The following RNLS variants were observed in gnomAD, a reference collection of about 807,000 sequenced individuals.
The protein encoded by RNLS is renalase, FAD dependent amine oxidase.
A neutral mutation model predicts 39.8 loss-of-function variants in RNLS; 39 were observed. The ratio of observed to expected loss-of-function variants is 0.98; its 90% confidence interval spans 0.76 to 1.28. RNLS has a LOEUF of 1.28. Ranked by LOEUF, RNLS falls within the 50% of genes most tolerant of loss-of-function variation. The pLI is 0.00. For missense variants in RNLS, 410 were observed against 413.3 expected (o/e 0.99, Z 0.07); for synonymous variants, 147 against 150.7 (o/e 0.98, Z 0.18).
intron 4 of RNLS, among the ~76,000 whole-genome samples, chr10:88,518,885 T>A (rs768761965): frequency 1.4e-4 from 21 of 152,116 alleles, no homozygotes; most frequent in Non-Finnish European, 2.1e-4. Flanking sequence ...ACCCTCCTCA[T>A]TAGTAAAGTC....
intron 5 of RNLS, among the ~76,000 whole-genome samples, chr10:88,342,629 A>T (rs182368604): frequency 1.8e-4 from 28 of 152,336 alleles, no homozygotes; most frequent in African/African-American, 4.6e-4. Context: ...GTATAGTTAC[A>T]GAAAATTAAA....
intron 4 of RNLS, among the ~76,000 whole-genome samples, chr10:88,484,913 C>G (rs1474083565): frequency 6.6e-6 from 1 of 151,906 alleles, no homozygotes; most frequent in East Asian, 1.9e-4. Flanking sequence ...TTTTGCTTAG[C>G]AATTTTGTTT....
intron 4 of RNLS, among the ~76,000 whole-genome samples, chr10:88,536,633 A>G (rs1847778164): frequency 6.6e-6 from 1 of 151,756 alleles, no homozygotes; most frequent in African/African-American, 2.4e-5. Flanking sequence ...TTCCTTGCCG[A>G]CTCCCAAATA....
the RNLS span, among the ~76,000 whole-genome samples, chr10:88,181,102 GAGAATTTCTTGGGTTATC>G: frequency 6.6e-6 from 1 of 152,144 alleles, no homozygotes; most frequent in East Asian, 1.9e-4. Context: ...TTTAGGCAGG[GAGAATTTCTTGGGTTATC>G]AGATGGGCCC....
intron 4 of RNLS, among the ~76,000 whole-genome samples, chr10:88,435,783 C>T (rs929847966): frequency 6.6e-6 from 1 of 152,124 alleles, no homozygotes; most frequent in Non-Finnish European, 1.5e-5. Context: ...CATGTATGAT[C>T]ACCTAGTCCA....
chr10:88,265,069 C>T, the RNLS span, among the ~76,000 whole-genome samples: 1 of 152,060 alleles, frequency 6.6e-6, no homozygotes, highest in Non-Finnish European at 1.5e-5. Flanking sequence ...GCCAATTAGC[C>T]CAGCACCATT....
At chr10:88,267,033 A>G in the RNLS span, among the ~76,000 whole-genome samples, 1 of 152,160 alleles carries the variant, frequency 6.6e-6, no homozygotes, top group Non-Finnish European at 1.5e-5. Flanking sequence ...CTCCCAGTGC[A>G]GGTGTCAGAC....
intron 4 of RNLS, among the ~76,000 whole-genome samples, chr10:88,482,939 C>T (rs1208534709): frequency 1.3e-5 from 2 of 151,758 alleles, no homozygotes; most frequent in African/African-American, 2.4e-5. Flanking sequence ...CCCTCCCTCA[C>T]TCCTTCCTTC....
chr10:88,333,467 G>A (rs1409312185), intron 5 of RNLS, among the ~76,000 whole-genome samples: 4 of 151,982 alleles, frequency 2.6e-5, no homozygotes, highest in African/African-American at 9.7e-5. Context: ...TTTACTTCCC[G>A]TTTAATAACG....
intron 4 of RNLS, among the ~76,000 whole-genome samples, chr10:88,556,335 T>G: frequency 6.6e-6 from 1 of 152,194 alleles, no homozygotes; most frequent in East Asian, 1.9e-4. Context: ...TTGCACCTAC[T>G]GCTCAATGTA....
the RNLS span, among the ~76,000 whole-genome samples, chr10:88,253,576 G>A: frequency 6.6e-6 from 1 of 152,148 alleles, no homozygotes; most frequent in Non-Finnish European, 1.5e-5. Flanking sequence ...AGAACCATGT[G>A]GTGCCCTTTC....
At chr10:88,508,627 CT>C (rs1336544478) in intron 4 of RNLS, among the ~76,000 whole-genome samples, 1 of 152,050 alleles carries the variant, frequency 6.6e-6, no homozygotes, top group East Asian at 1.9e-4. Context: ...TTTCACATTA[CT>C]GGTGCCAATG....
intron 4 of RNLS, among the ~76,000 whole-genome samples, chr10:88,448,275 T>C (rs1051360725): frequency 1.3e-5 from 2 of 152,142 alleles, no homozygotes; most frequent in Non-Finnish European, 2.9e-5. Flanking sequence ...AAAGGACTAA[T>C]ATCCAGAATC....
In RNLS at chr10:88,291,536, C is replaced by T. The variant is rs540466119; in HGVS notation, c.877-6030G>A. On this transcript the variant is annotated intron_variant, in intron 6 of 6. Transcript: ENST00000331772. ...CACTAATCAATTGTGGCATTCTTTCCAGGAAGCCCAACAGGGCCTCAGCAT... is the reference window on the plus strand; with the variant it reads ...CACTAATCAATTGTGGCATTCTTTCTAGGAAGCCCAACAGGGCCTCAGCAT... 3.3e-5 allele frequency among the ~76,000 whole-genome samples: 5 copies of T among 152,254 alleles called. No individual in the cohort carries two copies. The South Asian group carries it at 1.0e-3, about 32-fold the overall frequency.
intron 6 of RNLS, among the ~76,000 whole-genome samples, chr10:88,292,474 A>G (rs1003682620): frequency 2.6e-5 from 4 of 151,866 alleles, no homozygotes; most frequent in African/African-American, 9.7e-5. Context: ...CCTGTAAGAA[A>G]ACTTACTCCA....
chr10:88,240,590 CTT>C, the RNLS span, among the ~76,000 whole-genome samples: 3 of 151,972 alleles, frequency 2.0e-5, no homozygotes, highest in African/African-American at 7.3e-5. Flanking sequence ...ATAATAGACT[CTT>C]TTCTCTTCAT....
intron 4 of RNLS, among the ~76,000 whole-genome samples, chr10:88,464,779 A>G (rs958058842): frequency 1.3e-5 from 2 of 152,076 alleles, no homozygotes; most frequent in African/African-American, 2.4e-5. Flanking sequence ...TGCACACTAC[A>G]AGGAAAATGA....
chr10:88,493,053 C>A (rs1022638382), intron 4 of RNLS, among the ~76,000 whole-genome samples: 1 of 152,076 alleles, frequency 6.6e-6, no homozygotes, highest in African/African-American at 2.4e-5. Context: ...TACTACTAAT[C>A]TTTTTCGGTT....
the RNLS span, among the ~76,000 whole-genome samples, chr10:88,242,358 C>G: frequency 6.6e-6 from 1 of 152,166 alleles, no homozygotes; most frequent in African/African-American, 2.4e-5. Flanking sequence ...CATTTCAATG[C>G]ATTAAAAATA....
Sources: gnomAD v4.1 joint callset for allele counts (sites outside exome capture counted in the v4.1 genomes callset) on GRCh38, gnomAD v4.1.1 for gene constraint, MANE v1.5 for transcripts, NCBI Gene and HGNC (gene_info 2026-07-23, HGNC 2026-07-21) for gene names.